Variants in ALG12 observed in about 807,000 individuals in gnomAD.
The protein encoded by ALG12 is dol-P-Man:Man(7)GlcNAc(2)-PP-Dol alpha-1,6-mannosyltransferase.
Under a neutral mutation model 46.0 loss-of-function variants are expected in ALG12, and 36 were observed. The observed-to-expected ratio is 0.78, with a 90% CI of 0.60 to 1.03. ALG12 has a LOEUF of 1.03. ALG12 is among the 50% of genes least tolerant of loss of function. The probability of loss-of-function intolerance (pLI) is 0.00; values close to 1 mark genes in which losing one functional copy is unlikely to be tolerated. For missense variants in ALG12, 599 were observed against 633.5 expected (o/e 0.95, Z 0.58); for synonymous variants, 326 against 291.6 (o/e 1.12, Z -1.20).
the ALG12 span, chr22:49,885,837 T>C: frequency 2.6e-6 from 4 of 1,527,126 alleles, no homozygotes; most frequent in Non-Finnish European, 3.6e-6. Flanking sequence ...AAGCTGAGAG[T>C]GGTGTGATCC....
In ALG12 at chr22:49,913,639, G is replaced by A. The variant is rs1370152730; in HGVS notation, c.127C>T (p.His43Tyr). 1 of 1,614,156 alleles carries A rather than the reference G, an allele frequency of 6.2e-7. No individual in the cohort carries two copies. Among genetic ancestry groups the A allele is most frequent in the Non-Finnish European group, 8.5e-7 (1 of 1,180,036 alleles). ...TCTTGCCAGTGGTAGAGCAGGTCATGTGTGGCCTGCAGGTTGAAGCTCTCC... is the reference window on the plus strand; with the variant it reads ...TCTTGCCAGTGGTAGAGCAGGTCATATGTGGCCTGCAGGTTGAAGCTCTCC... Reference protein sequence around the residue: ...VEESFNLQATHDLLYHWQDLE... With the variant: ...VEESFNLQATYDLLYHWQDLE... Residue 43 changes from histidine to tyrosine, a missense_variant, in exon 2 of 10, where the codon CAT becomes TAT. By Grantham distance (83) the His-to-Tyr change is moderately conservative. Coordinates refer to ENST00000330817, the MANE Select transcript of ALG12 (RefSeq NM_024105.4).
chr22:49,899,085 T>C (rs1289171169), downstream of ALG12, among the ~76,000 whole-genome samples: 1 of 151,586 alleles, frequency 6.6e-6, no homozygotes, highest in African/African-American at 2.4e-5. Context: ...AGCCCAGGAG[T>C]TTGAGACTAG....
intron 5 of ALG12, 145 bp from the exon 6 acceptor site, chr22:49,909,492 G>A: frequency 2.4e-6 from 2 of 829,726 alleles, no homozygotes; most frequent in Admixed American, 2.0e-5. Context: ...CTGGAGCCTA[G>A]GAGTTCAAGG....
the ALG12 span, among the ~76,000 whole-genome samples, chr22:49,873,868 G>A: frequency 2.6e-5 from 4 of 151,966 alleles, no homozygotes; most frequent in Admixed American, 1.3e-4. Flanking sequence ...AGCGAGGAGC[G>A]TGGAGGACAA....
At chr22:49,893,307 A>T in the ALG12 span, among the ~76,000 whole-genome samples, 38 of 152,328 alleles carry the variant, frequency 2.5e-4, no homozygotes, top group South Asian at 5.0e-3. Flanking sequence ...CATAGGTGTC[A>T]ATATCTTTGA....
Position 49,904,452 on chromosome 22 carries a change from G to A in ALG12, c.1047C>T (p.Ile349=), listed in dbSNP as rs182006999. 24 of 1,614,152 alleles carry A rather than the reference G, an allele frequency of 1.5e-5. No individual in the cohort carries two copies. The highest frequency in any genetic ancestry group is 3.3e-4 in the Middle Eastern group (2 of 6,062). Residue 349 remains isoleucine, a synonymous_variant, in exon 8 of 10, where the codon ATC becomes ATT. Transcript: ENST00000330817. ...WLYKAGSLLV[I]GHLVVNAAYS... ...AGGCGGCATTCACCACGAGGTGTCC[G>A]ATCACAAGCAGAGACCCCGCTTTGT... is the stretch of plus-strand genomic sequence containing the variant.
intron 6 of ALG12, among the ~76,000 whole-genome samples, chr22:49,908,930 C>T (rs1164103814): frequency 1.4e-5 from 2 of 142,152 alleles, no homozygotes; most frequent in Admixed American, 7.4e-5. Flanking sequence ...CCAGCCTGGG[C>T]GACAGAGCGA....
At chr22:49,890,030 A>G in the ALG12 span, 1 of 167,096 alleles carries the variant, frequency 6.0e-6, no homozygotes. Flanking sequence ...TTGTGGAAAT[A>G]CTGAAGTAAA....
chr22:49,873,347 G>A, the ALG12 span, among the ~76,000 whole-genome samples: 1 of 152,232 alleles, frequency 6.6e-6, no homozygotes, highest in Non-Finnish European at 1.5e-5. Flanking sequence ...GAGGGAGGCT[G>A]GAGGAGAGGG....
At chr22:49,896,375 T>C (rs7291903), downstream of ALG12, among the ~76,000 whole-genome samples, 36,623 of 152,214 alleles carry the variant, frequency 0.24, 8,386 homozygotes, top group African/African-American at 0.61. Flanking sequence ...GGGACCTCTC[T>C]AGTATCCTCC....
the ALG12 span, among the ~76,000 whole-genome samples, chr22:49,876,411 T>G: frequency 2.0e-5 from 3 of 152,234 alleles, no homozygotes; most frequent in African/African-American, 7.2e-5. Context: ...CTTGTCTCCC[T>G]TTAGTTCTCT....
Position 49,913,397 on chromosome 22 carries a change from A to G in ALG12, c.283T>C (p.Ser95Pro). 6.2e-7 allele frequency: 1 copy of G among 1,613,938 alleles called. No homozygotes were observed. The highest frequency in any genetic ancestry group is 8.5e-7 in the Non-Finnish European group (1 of 1,180,036). ...LSLLEMSKFYSQLIVRGVLGL... is the reference protein window; with the variant it reads ...LSLLEMSKFYPQLIVRGVLGL... ...AAGACCCCCTTACCTATTAGCTGAG[A>G]GTAAAACTTGGACATTTCTAACAGC... The change falls in exon 3 of 10, where the codon TCT (serine) becomes CCT (proline). Residue 95 changes from serine (S) to proline (P), a missense_variant. Physicochemically the swap from Ser to Pro is moderately conservative, Grantham distance 74. Transcript: ENST00000330817.
At chr22:49,898,621 C>T (rs911652808), downstream of ALG12, among the ~76,000 whole-genome samples, 2 of 152,056 alleles carry the variant, frequency 1.3e-5, no homozygotes, top group African/African-American at 2.4e-5. Flanking sequence ...AACTCCTGAA[C>T]TCAGGTGATC....
the ALG12 span, among the ~76,000 whole-genome samples, chr22:49,864,820 C>CAAA: frequency 0.68 from 45,308 of 66,844 alleles, 15,146 homozygotes; most frequent in East Asian, 0.86. Context: ...ACCCTGTCTC[C>CAAA]AAAAAAAAAA....
intron 4 of ALG12, 28 bp downstream of exon 4, chr22:49,910,406 T>C: frequency 6.2e-7 from 1 of 1,609,824 alleles, no homozygotes; most frequent in Non-Finnish European, 8.5e-7. Context: ...GCACCATGGG[T>C]GTGCAGGCCC....
At chr22:49,863,621 G>A in the ALG12 span, among the ~76,000 whole-genome samples, 3 of 136,102 alleles carry the variant, frequency 2.2e-5, no homozygotes, top group Admixed American at 7.0e-5. Context: ...GCGAGACTCC[G>A]TCTCAAAAAA....
At chr22:49,881,429 A>G in the ALG12 span, among the ~76,000 whole-genome samples, 1 of 152,262 alleles carries the variant, frequency 6.6e-6, no homozygotes. Context: ...ACTGTTGGCC[A>G]GGCTGGAGTG....
At chr22:49,860,923 C>T in the ALG12 span, among the ~76,000 whole-genome samples, 3 of 151,884 alleles carry the variant, frequency 2.0e-5, no homozygotes, top group East Asian at 1.9e-4. Context: ...GGACTACAGG[C>T]GCCCACCACC....
At chr22:49,912,039 C>G (rs923225557) in intron 3 of ALG12, among the ~76,000 whole-genome samples, 1 of 151,542 alleles carries the variant, frequency 6.6e-6, no homozygotes, top group Non-Finnish European at 1.5e-5. Flanking sequence ...ACCCTCGGCC[C>G]CGGGATCAGC....
Sources: allele counts gnomAD v4.1 joint callset (sites outside exome capture counted in the v4.1 genomes callset), GRCh38; gene constraint gnomAD v4.1.1; transcripts MANE v1.5; gene names NCBI Gene and HGNC (gene_info 2026-07-23, HGNC 2026-07-21).